The following ARHGAP29 variants were observed in gnomAD, a reference collection of about 807,000 sequenced individuals.
ARHGAP29 encodes rho GTPase-activating protein 29.
Under a neutral mutation model 122.6 loss-of-function variants are expected in ARHGAP29, and 43 were observed. The ratio of observed to expected loss-of-function variants is 0.35; its 90% CI spans 0.27 to 0.45. ARHGAP29 has a LOEUF of 0.45. Ranked by LOEUF, ARHGAP29 falls within the 20% of genes least tolerant of loss-of-function variation. ARHGAP29 has a pLI of 1.00. For missense variants in ARHGAP29, 1,303 were observed against 1,477.2 expected, an observed-to-expected ratio of 0.88 and a Z score of 1.93; for synonymous variants, 506 against 497.1, an observed-to-expected ratio of 1.02 and a Z score of -0.24.
rs985022678 is a variant in ARHGAP29 at position 94,171,245 on chromosome 1, G to A, written c.*2624C>T. On this transcript the variant is annotated 3_prime_UTR_variant, in exon 23 of 23. Coordinates refer to ENST00000260526, the MANE Select transcript of ARHGAP29 (RefSeq NM_004815.4). Reference sequence around the variant, plus strand: ...TGCTTGTGAGTTCACTAGGCAACAAGTCTCAGGGATCATATAGTCTTTGTC... The same window carrying A: ...TGCTTGTGAGTTCACTAGGCAACAAATCTCAGGGATCATATAGTCTTTGTC... 4.6e-5 allele frequency among the ~76,000 whole-genome samples: 7 copies of A among 152,128 alleles called. No homozygotes were observed. The highest frequency in any genetic ancestry group is 1.0e-4 in the Non-Finnish European group (7 of 68,024).
intron 1 of ARHGAP29, among the ~76,000 whole-genome samples, chr1:94,244,307 T>C (rs1330715181): frequency 6.6e-6 from 1 of 151,300 alleles, no homozygotes; most frequent in Non-Finnish European, 1.5e-5. Flanking sequence ...AAAAGGATAA[T>C]ACATAATGCC....
chr1:94,238,562 A>C (rs1242026993), upstream of ARHGAP29, among the ~76,000 whole-genome samples: 2 of 152,196 alleles, frequency 1.3e-5, no homozygotes, highest in Non-Finnish European at 2.9e-5. Flanking sequence ...AAACAGAGGA[A>C]AAAACACAGG....
chr1:94,235,877 T>C (rs998131875), intron 1 of ARHGAP29, among the ~76,000 whole-genome samples: 1 of 152,200 alleles, frequency 6.6e-6, no homozygotes, highest in African/African-American at 2.4e-5. Flanking sequence ...CAATCAAATG[T>C]CCGCTGCCCC....
rs114077688 is a variant in ARHGAP29 at position 94,274,124 on chromosome 1, T to A, written c.-33+888A>T. 8.2e-3 allele frequency among the ~76,000 whole-genome samples: 1,245 copies of A among 152,248 alleles called. 9 individuals carry two copies. The highest frequency in any genetic ancestry group is 0.025 in the African/African-American group (1,034 of 41,530). On this transcript the variant is annotated intron_variant and NMD_transcript_variant, in intron 1 of 25. Transcript: ENST00000552844. Reference sequence around the variant, plus strand: ...TGTGCCCAACCTGTCACACAGTCAGTTCCACATGATTCTAGGGCAGGAGTT... The same window carrying A: ...TGTGCCCAACCTGTCACACAGTCAGATCCACATGATTCTAGGGCAGGAGTT...
the ARHGAP29 span, among the ~76,000 whole-genome samples, chr1:94,310,220 A>T: frequency 6.6e-6 from 1 of 152,182 alleles, no homozygotes; most frequent in Non-Finnish European, 1.5e-5. Flanking sequence ...GGCAAAACAG[A>T]TACAGGGGTT....
chr1:94,189,695 AT>A (rs1650019368), intron 13 of ARHGAP29, among the ~76,000 whole-genome samples: 1 of 152,128 alleles, frequency 6.6e-6, no homozygotes, highest in African/African-American at 2.4e-5. Context: ...TTCCCAAAGG[AT>A]TTTTAATTCT....
At chr1:94,188,788 G>A in intron 15 of ARHGAP29, 49 bp downstream of exon 15, 2 of 1,438,538 alleles carry the variant, frequency 1.4e-6, no homozygotes, top group Non-Finnish European at 1.9e-6. Flanking sequence ...CCTAAAAAAG[G>A]ACTGATCTTT....
upstream of ARHGAP29, among the ~76,000 whole-genome samples, chr1:94,242,616 C>CA (rs11320139): frequency 2.2e-3 from 292 of 130,174 alleles, 1 homozygote; most frequent in South Asian, 8.0e-3. Flanking sequence ...TTCAAAAAAT[C>CA]AAAAAAAAAA....
At chr1:94,199,498 T>C (rs1382302027) in intron 12 of ARHGAP29, among the ~76,000 whole-genome samples, 1 of 152,234 alleles carries the variant, frequency 6.6e-6, no homozygotes, top group Non-Finnish European at 1.5e-5. Context: ...AGCTAATTCC[T>C]AGAGATAGCC....
At chr1:94,205,501 T>C (rs1022213165) in intron 6 of ARHGAP29, 134 bp downstream of exon 6, 7 of 824,826 alleles carry the variant, frequency 8.5e-6, no homozygotes, top group Non-Finnish European at 1.3e-5. Context: ...AAGCTCTATA[T>C]GTAAAACTTT....
the ARHGAP29 span, among the ~76,000 whole-genome samples, chr1:94,286,057 C>T: frequency 6.6e-6 from 1 of 152,060 alleles, no homozygotes; most frequent in Non-Finnish European, 1.5e-5. Context: ...TACTGAGTAG[C>T]TTAGAACAGA....
intron 1 of ARHGAP29, among the ~76,000 whole-genome samples, chr1:94,233,629 T>TGGA (rs1653069320): frequency 6.6e-6 from 1 of 152,154 alleles, no homozygotes; most frequent in African/African-American, 2.4e-5. Flanking sequence ...ACCTGTGCAA[T>TGGA]GTCATATGGA....
chr1:94,308,811 G>A, the ARHGAP29 span, among the ~76,000 whole-genome samples: 1 of 152,202 alleles, frequency 6.6e-6, no homozygotes, highest in Non-Finnish European at 1.5e-5. Flanking sequence ...TAACCCTGAA[G>A]AGAGGGGAGT....
intron 2 of ARHGAP29, among the ~76,000 whole-genome samples, chr1:94,224,768 C>T (rs1296526292): frequency 6.6e-6 from 1 of 152,112 alleles, no homozygotes; most frequent in Non-Finnish European, 1.5e-5. Context: ...AACTGCAAAA[C>T]ACTCCAATAA....
chr1:94,208,982 A>T lies in ARHGAP29; in HGVS notation c.438-78T>A. On this transcript the variant is annotated intron_variant, in intron 4 of 22. Coordinates refer to ENST00000260526, the MANE Select transcript of ARHGAP29 (RefSeq NM_004815.4). ...AGGGTTTACATTCAACATGTTATCTAAAATAATTTTTTAAAAATAAGAACC... is the reference window on the plus strand; with the variant it reads ...AGGGTTTACATTCAACATGTTATCTTAAATAATTTTTTAAAAATAAGAACC... 4 of 1,336,482 alleles carry T rather than the reference A, an allele frequency of 3.0e-6. No homozygotes were observed. The South Asian group carries it at 5.2e-5, about 18-fold the overall frequency. The allele number at this position is 1,336,482 out of a possible 1,614,324, so 82.8% of individuals were successfully genotyped here. A position where few individuals can be genotyped will look rare whatever the true frequency, so the allele number is the denominator to read the frequency against.
the ARHGAP29 span, among the ~76,000 whole-genome samples, chr1:94,296,144 TAA>T: frequency 4.6e-5 from 7 of 152,228 alleles, no homozygotes; most frequent in African/African-American, 1.7e-4. Context: ...AAACAATTCA[TAA>T]GTTTTAAATT....
At chr1:94,214,538 C>T (rs935842883) in intron 3 of ARHGAP29, among the ~76,000 whole-genome samples, 1 of 152,140 alleles carries the variant, frequency 6.6e-6, no homozygotes, top group African/African-American at 2.4e-5. Context: ...TTCAAAAATG[C>T]CTCTAAAATA....
At chr1:94,215,581 C>A (rs1036491401) in intron 3 of ARHGAP29, among the ~76,000 whole-genome samples, 9 of 151,992 alleles carry the variant, frequency 5.9e-5, no homozygotes, top group Non-Finnish European at 2.9e-5. Flanking sequence ...ATATGAATTA[C>A]CTGATAAATT....
rs182421112 is a variant in ARHGAP29 at position 94,223,573 on chromosome 1, C to A, written c.206-3181G>T. On this transcript the variant is annotated intron_variant, in intron 2 of 22. Transcript: ENST00000260526. ...TAGTTGGTGCAAAAGTAATTAATTG[C>A]GGATTTGGCCACTAAAAAAAACTAT... 3.7e-3 allele frequency among the ~76,000 whole-genome samples: 560 copies of A among 151,836 alleles called. 3 individuals are homozygous for A. Among genetic ancestry groups the A allele is most frequent in the Non-Finnish European group, 5.4e-3 (370 of 67,946 alleles).
Sources: allele counts gnomAD v4.1 joint callset (sites outside exome capture counted in the v4.1 genomes callset), GRCh38; gene constraint gnomAD v4.1.1; transcripts MANE v1.5; gene names NCBI Gene and HGNC (gene_info 2026-07-23, HGNC 2026-07-21).